CCDC144A: variants seen among roughly 807,000 people sequenced by gnomAD.
The protein encoded by CCDC144A is coiled-coil domain containing 144A.
In CCDC144A, 41 loss-of-function variants were observed where a neutral mutation model predicts 143.8. That is an observed-to-expected ratio of 0.29 (90% CI 0.22 to 0.37). CCDC144A has a LOEUF of 0.37. Ranked by LOEUF, CCDC144A falls within the 10% of genes least tolerant of loss-of-function variation. CCDC144A has a pLI of 1.00. For missense variants in CCDC144A, 637 were observed against 1,488.8 expected, an observed-to-expected ratio of 0.43 and a Z score of 9.41; for synonymous variants, 242 against 517.9, an observed-to-expected ratio of 0.47 and a Z score of 7.23.
intron 11 of CCDC144A, among the ~76,000 whole-genome samples, chr17:16,733,273 G>A (rs1393480452): frequency 6.9e-6 from 1 of 144,082 alleles, no homozygotes; most frequent in Non-Finnish European, 1.5e-5. Flanking sequence ...AGACTGAGGC[G>A]GGTGGATCAC....
At chr17:16,675,151 A>G in the CCDC144A span, among the ~76,000 whole-genome samples, 3 of 151,390 alleles carry the variant, frequency 2.0e-5, no homozygotes, top group Admixed American at 6.6e-5. Flanking sequence ...TGCCTGTAAT[A>G]CCAGCTACTG....
chr17:16,737,228 G>T (rs1177862412), intron 12 of CCDC144A, among the ~76,000 whole-genome samples: 1 of 145,486 alleles, frequency 6.9e-6, no homozygotes, highest in African/African-American at 2.6e-5. Context: ...GTGCAGTGGC[G>T]GGATCTCGGC....
At chr17:16,683,313 T>A in the CCDC144A span, 3 of 581,534 alleles carry the variant, frequency 5.2e-6, no homozygotes, top group Non-Finnish European at 9.1e-6. Flanking sequence ...ATTTGTCATT[T>A]AAAAAACGAA....
At chr17:16,699,889 C>A (rs2621629) in intron 2 of CCDC144A, among the ~76,000 whole-genome samples, 1 of 152,096 alleles carries the variant, frequency 6.6e-6, no homozygotes, top group Non-Finnish European at 1.5e-5. Context: ...GTGGATATAG[C>A]AGTACAGGAA....
the CCDC144A span, among the ~76,000 whole-genome samples, chr17:16,679,702 G>A: frequency 5.9e-5 from 9 of 151,914 alleles, no homozygotes; most frequent in East Asian, 1.9e-4. Context: ...AGTTATCATG[G>A]TTTTTAAAAT....
chr17:16,739,977 A>AT (rs1020766063), intron 12 of CCDC144A, among the ~76,000 whole-genome samples: 2 of 150,698 alleles, frequency 1.3e-5, no homozygotes, highest in East Asian at 1.9e-4. Flanking sequence ...GATCCCATTA[A>AT]TTTTTTTTCT....
chr17:16,769,030 A>G (rs1435291192), intron 15 of CCDC144A, among the ~76,000 whole-genome samples: 1 of 152,200 alleles, frequency 6.6e-6, no homozygotes, highest in Non-Finnish European at 1.5e-5. Flanking sequence ...GACTCATGAT[A>G]ACTAATGGGA....
chr17:16,725,258 T>G (rs1468994121), intron 8 of CCDC144A, among the ~76,000 whole-genome samples: 1 of 151,962 alleles, frequency 6.6e-6, no homozygotes, highest in African/African-American at 2.4e-5. Flanking sequence ...ATAATGTGCT[T>G]ATTAATACAG....
chr17:16,776,471 T>C lies in CCDC144A; in HGVS notation c.*2838T>C, dbSNP rs1174787590. The C allele has an allele frequency of 1.3e-5, 2 of 152,262 alleles. No individual in the cohort carries two copies. Among genetic ancestry groups the C allele is most frequent in the Non-Finnish European group, 2.9e-5 (2 of 68,064 alleles). 9.4% of individuals were successfully genotyped at this position (152,262 alleles called of 1,614,324 possible). On this transcript the variant is annotated 3_prime_UTR_variant, in exon 17 of 17. Coordinates refer to ENST00000399273, the MANE Select transcript of CCDC144A (RefSeq NM_001382000.1). ...ATACTCTTCTTGTGGCAATTGTGAA[T>C]GGGAGTTAATTCATGAGTTTTCTCT...
At chr17:16,681,188 T>A in the CCDC144A span, among the ~76,000 whole-genome samples, 1 of 152,190 alleles carries the variant, frequency 6.6e-6, no homozygotes, top group Non-Finnish European at 1.5e-5. Context: ...TTGTCTTTTT[T>A]TATTCCTTAA....
chr17:16,687,986 C>A (rs773976023), upstream of CCDC144A, among the ~76,000 whole-genome samples: 16 of 150,680 alleles, frequency 1.1e-4, no homozygotes, highest in Admixed American at 1.3e-4. Context: ...TAGATTGTAC[C>A]CAGCACTTTT....
the CCDC144A span, among the ~76,000 whole-genome samples, chr17:16,676,525 A>C: frequency 1.3e-5 from 2 of 151,782 alleles, no homozygotes; most frequent in African/African-American, 4.8e-5. Context: ...AAAAAAAAAA[A>C]ACACAAAAAA....
intron 11 of CCDC144A, among the ~76,000 whole-genome samples, chr17:16,733,418 G>A (rs1913842246): frequency 6.7e-6 from 1 of 149,408 alleles, no homozygotes; most frequent in Non-Finnish European, 1.5e-5. Flanking sequence ...CAGGAGAATG[G>A]CGTGAACCCT....
rs866910737 is a variant in CCDC144A, at chr17:16,724,772, T to C, written c.1892-2755T>C. On this transcript the variant is annotated intron_variant, in intron 8 of 16. Coordinates refer to ENST00000399273, the MANE Select transcript of CCDC144A (RefSeq NM_001382000.1). Reference sequence around the variant, plus strand: ...GTGCACAAACAGTTGAGATTACACGTTCTTGATTAACTGAATTTTTTTTTT... The same window carrying C: ...GTGCACAAACAGTTGAGATTACACGCTCTTGATTAACTGAATTTTTTTTTT... Among the ~76,000 whole-genome samples, 218 of 146,150 alleles carry C rather than the reference T, an allele frequency of 1.5e-3. 1 individual carries two copies. Among genetic ancestry groups the C allele is most frequent in the African/African-American group, 5.2e-3 (207 of 39,818 alleles).
intron 6 of CCDC144A, among the ~76,000 whole-genome samples, chr17:16,716,723 T>C (rs925616574): frequency 5.3e-5 from 8 of 152,152 alleles, no homozygotes; most frequent in Admixed American, 3.9e-4. Context: ...AACATTATTA[T>C]ATTTAAAAAC....
chr17:16,737,094 A>G (rs1287438295), intron 12 of CCDC144A, among the ~76,000 whole-genome samples: 1 of 151,162 alleles, frequency 6.6e-6, no homozygotes, highest in African/African-American at 2.4e-5. Flanking sequence ...GAATGTGTGC[A>G]CATGAGGAAA....
intron 12 of CCDC144A, among the ~76,000 whole-genome samples, chr17:16,750,282 T>C (rs1204277457): frequency 1.3e-5 from 2 of 151,714 alleles, no homozygotes; most frequent in African/African-American, 2.4e-5. Context: ...GTAAGTCTGG[T>C]CTAGCGGTAA....
Position 16,756,870 on chromosome 17 carries a change from T to C in CCDC144A, c.3373-4555T>C, listed in dbSNP as rs886495699. Among the ~76,000 whole-genome samples the C allele has an allele frequency of 2.6e-5, 4 of 152,204 alleles. No homozygotes were observed. In the South Asian group the frequency reaches 6.2e-4, roughly 24 times the overall value. On this transcript the variant is annotated intron_variant, in intron 12 of 16. Transcript: ENST00000399273. ...CATTGGTGTGGCCTCCATATACTTA[T>C]GCTTTCTTCTGCTGTAATCAACATC...
In CCDC144A at chr17:16,707,486, C is replaced by A; in HGVS notation, c.682C>A (p.Leu228Met). 6.2e-7 allele frequency: 1 copy of A among 1,607,370 alleles called. No homozygotes were observed. Among genetic ancestry groups the A allele is most frequent in the South Asian group, 1.1e-5 (1 of 89,728 alleles). Residue 228 changes from leucine (L) to methionine (M), a missense_variant, in exon 4 of 17, where the codon CTG becomes ATG. Coordinates refer to ENST00000399273, the MANE Select transcript of CCDC144A (RefSeq NM_001382000.1). ...ESKEAEQDSE[L>M]TSEEEQERLK... ...TTTTGCAGCAGAACAAGACTCGGAG[C>A]TGACATCAGAGGAAGAGCAAGAAAG...
Sources: gnomAD v4.1 joint callset for allele counts (sites outside exome capture counted in the v4.1 genomes callset) on GRCh38, gnomAD v4.1.1 for gene constraint, MANE v1.5 for transcripts, NCBI Gene and HGNC (gene_info 2026-07-23, HGNC 2026-07-21) for gene names.